PARN: variants seen among roughly 807,000 people sequenced by gnomAD.
PARN encodes the protein poly(A)-specific ribonuclease, also known as poly(A)-specific ribonuclease PARN.
PARN carries 71 observed loss-of-function variants against 102.8 expected under a neutral mutation model. The observed-to-expected ratio is 0.69, with a 90% CI of 0.57 to 0.84. PARN has a LOEUF of 0.84. Among genes scored for constraint, PARN ranks in the 40% least tolerant of loss-of-function variants. PARN has a pLI of 0.00. For missense variants in PARN, 782 were observed against 760.9 expected (o/e 1.03, Z -0.33); for synonymous variants, 261 against 252.9 (o/e 1.03, Z -0.30).
intron 21 of PARN, among the ~76,000 whole-genome samples, chr16:14,550,179 G>C (rs1479123629): frequency 1.5e-5 from 2 of 133,258 alleles, no homozygotes; most frequent in Non-Finnish European, 3.2e-5. Flanking sequence ...AAGTTATCTT[G>C]AGCTTTCTAA....
intron 13 of PARN, among the ~76,000 whole-genome samples, chr16:14,590,695 C>A (rs1713913007): frequency 6.7e-6 from 1 of 149,994 alleles, no homozygotes; most frequent in Admixed American, 6.7e-5. Flanking sequence ...TTGAGACCCA[C>A]AACTATGAAG....
chr16:14,614,394 T>A (rs1971730525), intron 6 of PARN, among the ~76,000 whole-genome samples: 1 of 152,200 alleles, frequency 6.6e-6, no homozygotes, highest in Non-Finnish European at 1.5e-5. Context: ...CCAGAGCATT[T>A]GCTGGTTATC....
Position 14,596,836 on chromosome 16 carries a change from C to T in PARN, c.840+3068G>A, listed in dbSNP as rs537592965. 1.4e-3 allele frequency among the ~76,000 whole-genome samples: 216 copies of T among 149,842 alleles called. 1 individual carries two copies. Among genetic ancestry groups the T allele is most frequent in the African/African-American group, 5.2e-3 (212 of 40,660 alleles). On this transcript the variant is annotated intron_variant, in intron 12 of 23. Transcript: ENST00000437198. ...GGGTCTCAACTTTGTCACCAGGCTA[C>T]AGTGCAATGGTGCAATCTCAGGTTA...
At chr16:14,487,411 T>C (rs531342011) in intron 21 of PARN, among the ~76,000 whole-genome samples, 7 of 152,364 alleles carry the variant, frequency 4.6e-5, no homozygotes, top group Admixed American at 3.9e-4. Context: ...GTTTAGACTT[T>C]ATTGTTTTTT....
chr16:14,487,984 TG>T (rs548232221), intron 21 of PARN, among the ~76,000 whole-genome samples: 447 of 152,190 alleles, frequency 2.9e-3, no homozygotes, highest in Middle Eastern at 0.01. Context: ...TAAAAAAGAA[TG>T]GGAAGGGGGA....
At chr16:14,578,299 A>G (rs1350247045) in intron 18 of PARN, among the ~76,000 whole-genome samples, 2 of 135,646 alleles carry the variant, frequency 1.5e-5, no homozygotes, top group Admixed American at 8.1e-5. Context: ...ACTGCACTCC[A>G]GCCTAAGTGA....
intron 18 of PARN, among the ~76,000 whole-genome samples, chr16:14,563,471 T>G (rs934077429): frequency 7.4e-6 from 1 of 134,958 alleles, no homozygotes; most frequent in Non-Finnish European, 1.5e-5. Context: ...TGTTTGAAAA[T>G]TCCTTTGTGT....
intron 21 of PARN, among the ~76,000 whole-genome samples, chr16:14,497,380 G>T (rs1255924134): frequency 6.6e-6 from 1 of 152,156 alleles, no homozygotes. Flanking sequence ...CTGAAGCACT[G>T]GCTGGAGGTA....
At chr16:14,464,956 T>C (rs1164756813) in intron 22 of PARN, among the ~76,000 whole-genome samples, 1 of 152,140 alleles carries the variant, frequency 6.6e-6, no homozygotes, top group Non-Finnish European at 1.5e-5. Context: ...CCATAAGACA[T>C]GGTTGACTCC....
At chr16:14,541,183 T>C (rs533968751) in intron 21 of PARN, among the ~76,000 whole-genome samples, 5 of 150,704 alleles carry the variant, frequency 3.3e-5, no homozygotes, top group Non-Finnish European at 1.5e-5. Flanking sequence ...GTCATGAAAC[T>C]AAATAACTTT....
intron 18 of PARN, among the ~76,000 whole-genome samples, chr16:14,577,079 G>A (rs1969188670): frequency 6.6e-6 from 1 of 152,180 alleles, no homozygotes; most frequent in African/African-American, 2.4e-5. Flanking sequence ...AGTCTGGTGA[G>A]AGCAAAATAA....
intron 21 of PARN, among the ~76,000 whole-genome samples, chr16:14,506,511 A>T (rs1188336606): frequency 3.9e-5 from 6 of 152,250 alleles, no homozygotes; most frequent in African/African-American, 1.4e-4. Flanking sequence ...ATACACTAAA[A>T]TACTTCTAAG....
chr16:14,617,631 A>G lies in PARN; in HGVS notation c.347T>C (p.Leu116Pro), dbSNP rs746720715. The G allele has an allele frequency of 6.3e-7, 1 of 1,596,746 alleles. No individual in the cohort carries two copies. Among genetic ancestry groups the G allele is most frequent in the South Asian group, 1.1e-5 (1 of 90,718 alleles). ...FVCQSSSIDF[L>P]ASQGFDFNKV... is the part of the protein sequence containing the mutation. ...ATTAAAATCAAATCCCTGGCTTGCT[A>G]GAAAGTCAATGCTGGAGCTCTGAAA... Residue 116 changes from leucine to proline, a missense_variant, in exon 6 of 24, where the codon CTA becomes CCA. By Grantham distance (98) the Leu-to-Pro change is moderately conservative (BLOSUM62 -3). Transcript: ENST00000437198.
chr16:14,445,848 G>A (rs1038305379), intron 23 of PARN, among the ~76,000 whole-genome samples: 36 of 152,220 alleles, frequency 2.4e-4, no homozygotes, highest in Non-Finnish European at 8.8e-5. Flanking sequence ...ACAGGCGTGA[G>A]CCACCGAGCC....
chr16:14,445,704 C>A (rs1961170553), intron 23 of PARN, among the ~76,000 whole-genome samples: 1 of 152,124 alleles, frequency 6.6e-6, no homozygotes. Flanking sequence ...CTGGGACTAC[C>A]GGCATGCGCC....
chr16:14,608,097 G>C, intron 9 of PARN, 184 bp downstream of exon 9: 2 of 614,480 alleles, frequency 3.3e-6, no homozygotes, highest in Non-Finnish European at 5.8e-6. Flanking sequence ...TAAAGCATCT[G>C]TTAAAAAACA....
chr16:14,551,533 C>T (rs1222301036), intron 21 of PARN, among the ~76,000 whole-genome samples: 6 of 152,074 alleles, frequency 3.9e-5, no homozygotes, highest in Non-Finnish European at 5.9e-5. Flanking sequence ...TGCGCCACTG[C>T]ACTCCAGCCT....
chr16:14,564,417 C>T (rs902429523), intron 18 of PARN, among the ~76,000 whole-genome samples: 1 of 152,182 alleles, frequency 6.6e-6, no homozygotes, highest in Non-Finnish European at 1.5e-5. Flanking sequence ...GAACAACACG[C>T]AGTGAAGAGA....
chr16:14,557,987 G>A (rs1967805037), intron 18 of PARN, among the ~76,000 whole-genome samples: 1 of 152,004 alleles, frequency 6.6e-6, no homozygotes, highest in Admixed American at 6.5e-5. Flanking sequence ...TTATTCCTAG[G>A]TTAGTGAGCT....
Sources: allele counts gnomAD v4.1 joint callset (sites outside exome capture counted in the v4.1 genomes callset), GRCh38; gene constraint gnomAD v4.1.1; transcripts MANE v1.5; gene names NCBI Gene and HGNC (gene_info 2026-07-23, HGNC 2026-07-21).